The following CSMD1 variants were observed in gnomAD, a reference collection of about 807,000 sequenced individuals.
The protein encoded by CSMD1 is CUB and Sushi multiple domains 1.
A neutral mutation model predicts 417.5 loss-of-function variants in CSMD1; 213 were observed. The ratio of observed to expected loss-of-function variants is 0.51; its 90% CI spans 0.46 to 0.57. CSMD1 has a LOEUF of 0.57. CSMD1 is among the 20% of genes least tolerant of loss of function. The pLI, the probability that CSMD1 is intolerant of heterozygous loss-of-function variation, is 0.00. For synonymous variants in CSMD1, 2,862 were observed against 1,736.8 expected, an observed-to-expected ratio of 1.65 and a Z score of -16.11; for missense variants, 6,923 against 4,529.7, an observed-to-expected ratio of 1.53 and a Z score of -15.17.
intron 10 of CSMD1, among the ~76,000 whole-genome samples, chr8:3,534,899 G>T (rs888499927): frequency 8.5e-5 from 13 of 152,148 alleles, no homozygotes; most frequent in African/African-American, 2.7e-4. Context: ...AAATGGTTTA[G>T]TCCAGAATTC....
chr8:4,325,138 T>C (rs990796818), intron 3 of CSMD1, among the ~76,000 whole-genome samples: 9 of 152,106 alleles, frequency 5.9e-5, no homozygotes, highest in African/African-American at 9.7e-5. Flanking sequence ...CAATCATGAA[T>C]GCTGACAAGA....
chr8:4,044,694 C>T (rs1418937028), intron 3 of CSMD1, among the ~76,000 whole-genome samples: 16 of 46,642 alleles, frequency 3.4e-4, no homozygotes, highest in Admixed American at 2.9e-3. Flanking sequence ...ACAATCCTGG[C>T]TGCGTACAAC....
At position 4,451,287 on chromosome 8, in the gene CSMD1, C is replaced by T. The variant is rs563039514; in HGVS notation, c.303-31222G>A. On this transcript the variant is annotated intron_variant, in intron 2 of 69. Transcript: ENST00000635120. ...TCCAGGCGGCAGTGATCCAACCAAT[C>T]ATGACTCCATCAATCAACCACTGCA... Among the ~76,000 whole-genome samples the T allele has an allele frequency of 2.6e-5, 4 of 152,220 alleles. No individual in the cohort carries two copies. The East Asian group carries it at 5.8e-4, about 22-fold the overall frequency.
At chr8:3,534,139 T>C (rs1798093624) in intron 10 of CSMD1, among the ~76,000 whole-genome samples, 1 of 152,222 alleles carries the variant, frequency 6.6e-6, no homozygotes, top group Non-Finnish European at 1.5e-5. Flanking sequence ...ATATGCACTG[T>C]GAAATAACAA....
intron 7 of CSMD1, among the ~76,000 whole-genome samples, chr8:3,705,769 C>G (rs938498825): frequency 6.6e-6 from 1 of 152,132 alleles, no homozygotes; most frequent in East Asian, 1.9e-4. Context: ...TCTAGAATCT[C>G]AAGAACTGTG....
At chr8:3,481,603 C>T (rs944550694) in intron 11 of CSMD1, among the ~76,000 whole-genome samples, 3 of 152,282 alleles carry the variant, frequency 2.0e-5, no homozygotes, top group South Asian at 2.1e-4. Flanking sequence ...AGTTAAGGAT[C>T]GAAATGTGGG....
intron 26 of CSMD1, among the ~76,000 whole-genome samples, chr8:3,254,839 G>A (rs968817415): frequency 4.6e-5 from 7 of 152,026 alleles, no homozygotes; most frequent in Middle Eastern, 3.4e-3. Context: ...GCTCGGGGTC[G>A]TTTGCTAGTC....
At chr8:4,126,109 T>C (rs974729417) in intron 3 of CSMD1, among the ~76,000 whole-genome samples, 5 of 152,084 alleles carry the variant, frequency 3.3e-5, no homozygotes, top group African/African-American at 9.6e-5. Flanking sequence ...AAACTCACTT[T>C]GACCCCCTGT....
intron 2 of CSMD1, among the ~76,000 whole-genome samples, chr8:4,611,969 T>TG (rs1203558551): frequency 6.6e-6 from 1 of 152,160 alleles, no homozygotes; most frequent in East Asian, 1.9e-4. Context: ...AATTTGTGTG[T>TG]TTTTTTCCTC....
chr8:4,331,065 T>C (rs10866969), intron 3 of CSMD1, among the ~76,000 whole-genome samples: 93,930 of 151,832 alleles, frequency 0.62, 30,093 homozygotes, highest in Middle Eastern at 0.79. Flanking sequence ...CTTCATAATT[T>C]TTGTTTCTTA....
chr8:3,880,568 C>G (rs1237963238), intron 5 of CSMD1, among the ~76,000 whole-genome samples: 1 of 152,090 alleles, frequency 6.6e-6, no homozygotes, highest in Non-Finnish European at 1.5e-5. Context: ...TTGTGAATAG[C>G]CAGTTATCTT....
rs1804175559 is a variant in CSMD1 at position 3,854,740 on chromosome 8, A to G, written c.819-100698T>C. On this transcript the variant is annotated intron_variant, in intron 5 of 69. Coordinates refer to ENST00000635120, the MANE Select transcript of CSMD1 (RefSeq NM_033225.6). Reference sequence around the variant, plus strand: ...GGGAAATGAGTAAGAGAAACTCCAGAGGGGGTAAAAAAGAAAAAAAAAAGA... The same window carrying G: ...GGGAAATGAGTAAGAGAAACTCCAGGGGGGGTAAAAAAGAAAAAAAAAAGA... 2.3e-5 allele frequency among the ~76,000 whole-genome samples: 3 copies of G among 130,578 alleles called. No homozygotes were observed. In the South Asian group the frequency reaches 7.4e-4, roughly 32 times the overall value. The allele number at this position is 130,578 out of a possible 152,430, so 85.7% of individuals were successfully genotyped here.
intron 3 of CSMD1, among the ~76,000 whole-genome samples, chr8:4,230,072 T>G (rs371678526): frequency 1.3e-5 from 2 of 152,210 alleles, no homozygotes; most frequent in Non-Finnish European, 2.9e-5. Flanking sequence ...CTCAGGTGTG[T>G]ATACAAGCTT....
intron 66 of CSMD1, among the ~76,000 whole-genome samples, 193 bp downstream of exon 66, chr8:2,950,921 G>C (rs540200560): frequency 6.6e-6 from 1 of 152,090 alleles, no homozygotes; most frequent in Non-Finnish European, 1.5e-5. Flanking sequence ...TTCTGTACTC[G>C]TTTTGTAATC....
chr8:3,182,618 G>GGC (rs1228673245), intron 36 of CSMD1, among the ~76,000 whole-genome samples: 2 of 73,938 alleles, frequency 2.7e-5, no homozygotes, highest in African/African-American at 3.8e-5. Flanking sequence ...GTGTGTGTGT[G>GGC]TGTGTGTGTG....
chr8:3,950,960 C>T (rs2740863), intron 5 of CSMD1, among the ~76,000 whole-genome samples: 17,808 of 152,194 alleles, frequency 0.12, 1,147 homozygotes, highest in Middle Eastern at 0.16. Context: ...AAAAACGATT[C>T]TTTTCATCAC....
intron 1 of CSMD1, among the ~76,000 whole-genome samples, chr8:4,763,456 T>C (rs542740731): frequency 1.6e-4 from 24 of 152,270 alleles, no homozygotes; most frequent in South Asian, 8.3e-4. Flanking sequence ...TTATTTATAA[T>C]AGTGACATGA....
intron 3 of CSMD1, among the ~76,000 whole-genome samples, chr8:4,385,323 C>A (rs1803376407): frequency 6.6e-6 from 1 of 152,208 alleles, no homozygotes; most frequent in South Asian, 2.1e-4. Flanking sequence ...GTCTGACAGG[C>A]AGTCACCTAA....
At chr8:3,801,702 C>G (rs1800469187) in intron 5 of CSMD1, among the ~76,000 whole-genome samples, 1 of 152,012 alleles carries the variant, frequency 6.6e-6, no homozygotes, top group South Asian at 2.1e-4. Context: ...TTCATAATAT[C>G]CAAAATATGG....
Sources: gnomAD v4.1 joint callset for allele counts (sites outside exome capture counted in the v4.1 genomes callset) on GRCh38, gnomAD v4.1.1 for gene constraint, MANE v1.5 for transcripts, NCBI Gene and HGNC (gene_info 2026-07-23, HGNC 2026-07-21) for gene names.